RCBTB2: variants seen among roughly 807,000 people sequenced by gnomAD.
RCBTB2 encodes RCC1 and BTB domain-containing protein 2.
Under a neutral mutation model 65.4 loss-of-function variants are expected in RCBTB2, and 55 were observed. The ratio of observed to expected loss-of-function variants is 0.84; its 90% CI spans 0.68 to 1.05. The LOEUF is 1.05. RCBTB2 is among the 50% of genes least tolerant of loss of function. The pLI is 0.00. For synonymous variants in RCBTB2, 220 were observed against 255.2 expected (o/e 0.86, Z 1.31); for missense variants, 599 against 680.1 (o/e 0.88, Z 1.33).
At chr13:48,502,965 AG>A in intron 10 of RCBTB2, 51 bp from the exon 11 acceptor site, 2 of 1,479,412 alleles carry the variant, frequency 1.4e-6, no homozygotes, top group Non-Finnish European at 1.8e-6. Context: ...GGCAGAAACA[AG>A]TTGGGTCCTC....
chr13:48,515,544 T>C (rs1951036056), intron 5 of RCBTB2, 42 bp downstream of exon 5: 1 of 1,535,782 alleles, frequency 6.5e-7, no homozygotes, highest in Admixed American at 2.1e-5. Context: ...GCAAATCCAT[T>C]TCTAAAAATG....
At chr13:48,529,722 C>A (rs1490889737) in intron 1 of RCBTB2, among the ~76,000 whole-genome samples, 1 of 152,152 alleles carries the variant, frequency 6.6e-6, no homozygotes, top group Non-Finnish European at 1.5e-5. Context: ...CATTGATGGA[C>A]ATTATCAATA....
rs187770018 is a variant in RCBTB2, at chr13:48,489,134, G to A, written c.*977C>T. 2.0e-5 allele frequency: 3 copies of A among 152,164 alleles called. No individual in the cohort carries two copies. Among genetic ancestry groups the A allele is most frequent in the Non-Finnish European group, 4.4e-5 (3 of 68,006 alleles). 9.4% of individuals were successfully genotyped at this position (152,164 alleles called of 1,614,324 possible). The stretch of plus-strand genomic sequence containing the variant: ...CTTTTGCAATTAGGTAATTTGTTTT[G>A]ATCTAAAAAGTACAAATTTATCTCA... On this transcript the variant is annotated 3_prime_UTR_variant, in exon 15 of 15. Transcript: ENST00000344532.
rs146494175 is a variant in RCBTB2 at position 48,518,972 on chromosome 13, T to C, written c.42+2926A>G. ...AACAAGTATTTAATGTAGATGTTAATAATCTAATAATGTCTATATCTTATA... is the reference window on the plus strand; with the variant it reads ...AACAAGTATTTAATGTAGATGTTAACAATCTAATAATGTCTATATCTTATA... On this transcript the variant is annotated intron_variant, in intron 4 of 14. Transcript: ENST00000344532. 3.0e-4 allele frequency among the ~76,000 whole-genome samples: 45 copies of C among 152,318 alleles called. No individual in the cohort carries two copies. In the East Asian group the frequency reaches 8.1e-3, roughly 27 times the overall value.
intron 4 of RCBTB2, among the ~76,000 whole-genome samples, chr13:48,520,414 A>C (rs1442001669): frequency 6.6e-6 from 1 of 152,210 alleles, no homozygotes; most frequent in Non-Finnish European, 1.5e-5. Context: ...AGAGCATGGC[A>C]ATATGGTGTC....
At chr13:48,535,113 C>T (rs373914407), upstream of RCBTB2, among the ~76,000 whole-genome samples, 18 of 152,252 alleles carry the variant, frequency 1.2e-4, no homozygotes, top group Admixed American at 6.5e-4. Context: ...ATTAACATTG[C>T]GCAACATTTG....
In RCBTB2 at chr13:48,512,713, T is replaced by C. The variant is rs543089676; in HGVS notation, c.516+16A>G. On this transcript the variant is annotated intron_variant, in intron 7 of 14. Transcript: ENST00000344532. ...TATTGAAAAAAATCAATGAGCTTTA[T>C]GCTGACTGTTCTCACCTCTCCATCA... is the stretch of plus-strand genomic sequence containing the variant. 3.7e-6 allele frequency: 6 copies of C among 1,610,518 alleles called. No individual in the cohort carries two copies. The East Asian group carries it at 1.1e-4, about 30-fold the overall frequency.
At chr13:48,496,783 G>A (rs1949994701) in intron 13 of RCBTB2, among the ~76,000 whole-genome samples, 1 of 125,642 alleles carries the variant, frequency 8.0e-6, no homozygotes, top group Non-Finnish European at 1.7e-5. Context: ...AGGGAGGGGA[G>A]AAGAGAAGAG....
upstream of RCBTB2, among the ~76,000 whole-genome samples, chr13:48,533,659 G>A (rs963221379): frequency 1.3e-5 from 2 of 152,134 alleles, no homozygotes; most frequent in Non-Finnish European, 2.9e-5. Context: ...CAAGGGCTTC[G>A]AAAACAGCCA....
upstream of RCBTB2, chr13:48,533,133 C>A (rs751963548): frequency 4.9e-6 from 2 of 404,458 alleles, no homozygotes; most frequent in East Asian, 8.5e-5. Context: ...TGAAACGGCC[C>A]GGCCTCGGCG....
intron 1 of RCBTB2, among the ~76,000 whole-genome samples, chr13:48,530,881 G>A (rs1289949605): frequency 6.6e-6 from 1 of 152,198 alleles, no homozygotes; most frequent in African/African-American, 2.4e-5. Flanking sequence ...CAAGGGTCAT[G>A]CCGTGGGCTC....
chr13:48,510,138 CT>C (rs1252742834), intron 10 of RCBTB2, among the ~76,000 whole-genome samples: 2 of 152,230 alleles, frequency 1.3e-5, no homozygotes, highest in African/African-American at 4.8e-5. Context: ...CCATTTTACT[CT>C]TCCTCGTAGT....
chr13:48,504,756 C>A (rs980845748), intron 10 of RCBTB2, among the ~76,000 whole-genome samples: 1 of 152,166 alleles, frequency 6.6e-6, no homozygotes, highest in Non-Finnish European at 1.5e-5. Flanking sequence ...TGTGTAAGAC[C>A]CCACTGACAC....
chr13:48,531,176 CTT>C (rs1952096914), intron 1 of RCBTB2, among the ~76,000 whole-genome samples: 1 of 152,156 alleles, frequency 6.6e-6, no homozygotes, highest in Non-Finnish European at 1.5e-5. Flanking sequence ...ATCTTTGTCT[CTT>C]TTGTTCATTG....
chr13:48,534,429 A>G (rs992347448), upstream of RCBTB2, among the ~76,000 whole-genome samples: 2 of 152,148 alleles, frequency 1.3e-5, no homozygotes, highest in African/African-American at 4.8e-5. Context: ...AGATAAGGCA[A>G]CTCAGGCCCC....
chr13:48,533,212 G>A (rs1233510228), upstream of RCBTB2: 2 of 338,676 alleles, frequency 5.9e-6, no homozygotes, highest in Admixed American at 3.9e-5. Context: ...GGCTGGCGAC[G>A]GCGTCTCGCC....
chr13:48,501,691 T>C, intron 12 of RCBTB2, 51 bp downstream of exon 12: 1 of 1,518,864 alleles, frequency 6.6e-7, no homozygotes, highest in African/African-American at 1.4e-5. Flanking sequence ...ACTTAGAATA[T>C]AATTGTTGAA....
intron 10 of RCBTB2, chr13:48,504,166 C>T: frequency 2.0e-6 from 2 of 985,378 alleles, no homozygotes; most frequent in Non-Finnish European, 1.2e-6. Context: ...CCACATCTGG[C>T]CCCTGTAACA....
chr13:48,528,857 A>G (rs1018714782), intron 1 of RCBTB2, among the ~76,000 whole-genome samples: 1 of 152,214 alleles, frequency 6.6e-6, no homozygotes, highest in African/African-American at 2.4e-5. Context: ...AAACTAAAAC[A>G]CTAAAAGCAT....
Sources: gnomAD v4.1 joint callset for allele counts (sites outside exome capture counted in the v4.1 genomes callset) on GRCh38, gnomAD v4.1.1 for gene constraint, MANE v1.5 for transcripts, NCBI Gene and HGNC (gene_info 2026-07-23, HGNC 2026-07-21) for gene names.